The following CNTNAP2 variants were observed in gnomAD, a reference collection of about 807,000 sequenced individuals.
CNTNAP2 encodes the protein contactin associated protein 2.
A neutral mutation model predicts 155.2 loss-of-function variants in CNTNAP2; 98 were observed. That is an observed-to-expected ratio of 0.63 (90% CI 0.54 to 0.75). The LOEUF is 0.75. CNTNAP2 is among the 30% of genes least tolerant of loss of function. CNTNAP2 has a pLI of 0.00. For missense variants in CNTNAP2, 1,727 were observed against 1,688.1 expected (o/e 1.02, Z -0.40); for synonymous variants, 651 against 631.2 (o/e 1.03, Z -0.47).
intron 1 of CNTNAP2, among the ~76,000 whole-genome samples, chr7:146,605,125 C>T (rs556605125): frequency 1.3e-5 from 2 of 150,240 alleles, no homozygotes; most frequent in Non-Finnish European, 3.0e-5. Context: ...AATATCTTCC[C>T]GCCTTTTACA....
intron 1 of CNTNAP2, among the ~76,000 whole-genome samples, chr7:146,158,912 GA>G (rs2116793495): frequency 6.6e-6 from 1 of 152,272 alleles, no homozygotes; most frequent in African/African-American, 2.4e-5. Context: ...TACTCCTCAA[GA>G]AGAGCAACTC....
chr7:148,070,190 A>T (rs1803354476), intron 15 of CNTNAP2, among the ~76,000 whole-genome samples: 1 of 152,248 alleles, frequency 6.6e-6, no homozygotes, highest in Admixed American at 6.5e-5. Flanking sequence ...AGATGCTGAG[A>T]TGAAGATATT....
intron 1 of CNTNAP2, among the ~76,000 whole-genome samples, chr7:146,228,994 C>T (rs1475277263): frequency 6.6e-6 from 1 of 152,116 alleles, no homozygotes; most frequent in Non-Finnish European, 1.5e-5. Context: ...TACAATCAAG[C>T]TCTCTATCTA....
chr7:146,658,176 G>C (rs986304619), intron 1 of CNTNAP2, among the ~76,000 whole-genome samples: 6 of 152,094 alleles, frequency 3.9e-5, no homozygotes, highest in African/African-American at 1.4e-4. Context: ...ACTTTGCATA[G>C]CGTCCTCTGC....
intron 15 of CNTNAP2, among the ~76,000 whole-genome samples, chr7:148,054,677 A>G (rs1802975416): frequency 1.3e-5 from 2 of 152,010 alleles, no homozygotes; most frequent in Admixed American, 6.6e-5. Flanking sequence ...CACATGGTCA[A>G]TAAGATCTAT....
intron 15 of CNTNAP2, among the ~76,000 whole-genome samples, chr7:148,043,557 C>G (rs1176279260): frequency 6.6e-6 from 1 of 152,256 alleles, no homozygotes; most frequent in South Asian, 2.1e-4. Flanking sequence ...GATAAGAAAT[C>G]TTTTTTCTTC....
At chr7:148,135,741 C>T (rs1439632385) in intron 16 of CNTNAP2, among the ~76,000 whole-genome samples, 2 of 149,352 alleles carry the variant, frequency 1.3e-5, no homozygotes, top group South Asian at 2.1e-4. Context: ...CCCAGCTACT[C>T]GGGAGGCTGA....
intron 1 of CNTNAP2, among the ~76,000 whole-genome samples, chr7:146,350,814 T>C (rs1158152976): frequency 6.6e-6 from 1 of 151,734 alleles, no homozygotes; most frequent in African/African-American, 2.4e-5. Flanking sequence ...ATTAAGAAAA[T>C]GTGACACATA....
At chr7:148,272,373 CAAGAA>C (rs1424811449) in intron 21 of CNTNAP2, among the ~76,000 whole-genome samples, 1 of 152,120 alleles carries the variant, frequency 6.6e-6, no homozygotes, top group Non-Finnish European at 1.5e-5. Flanking sequence ...AATGGTCTCT[CAAGAA>C]ATCTTCAAGG....
chr7:147,774,108 T>C (rs1797518900), intron 13 of CNTNAP2, among the ~76,000 whole-genome samples: 1 of 152,156 alleles, frequency 6.6e-6, no homozygotes, highest in Non-Finnish European at 1.5e-5. Flanking sequence ...CCTGCCACAG[T>C]AGTTAATAAT....
chr7:147,087,496 C>T (rs970844445), intron 4 of CNTNAP2, among the ~76,000 whole-genome samples: 2 of 152,154 alleles, frequency 1.3e-5, no homozygotes, highest in African/African-American at 4.8e-5. Context: ...TTGTACCTCA[C>T]TTGCATGGCT....
At chr7:146,422,235 G>T (rs1563077734) in intron 1 of CNTNAP2, among the ~76,000 whole-genome samples, 2 of 150,306 alleles carry the variant, frequency 1.3e-5, no homozygotes, top group African/African-American at 2.4e-5. Context: ...TTTATATGAT[G>T]TTTATTACAG....
At position 148,415,413 on chromosome 7, in the gene CNTNAP2, TC is replaced by T; in HGVS notation, c.3797-3del. On this transcript the variant is annotated splice_region_variant and splice_polypyrimidine_tract_variant and intron_variant, in intron 23 of 23. Transcript: ENST00000361727. ...ACCTCTCGTGCTTCTCCTTTCTCCGTCAGGCGTCATTGCTGTGGTGATTTTC... is the reference window on the plus strand; with the variant it reads ...ACCTCTCGTGCTTCTCCTTTCTCCGTAGGCGTCATTGCTGTGGTGATTTTC... 1.2e-6 allele frequency: 2 copies of T among 1,613,236 alleles called. No individual in the cohort carries two copies. Among genetic ancestry groups the T allele is most frequent in the Non-Finnish European group, 1.7e-6 (2 of 1,180,028 alleles).
chr7:147,920,647 C>CTA (rs1302432270), intron 14 of CNTNAP2, among the ~76,000 whole-genome samples: 1 of 152,036 alleles, frequency 6.6e-6, no homozygotes, highest in Non-Finnish European at 1.5e-5. Context: ...TGAGTCCCTG[C>CTA]TATATATCAG....
At chr7:147,629,228 C>G (rs1429819864) in intron 12 of CNTNAP2, among the ~76,000 whole-genome samples, 1 of 151,842 alleles carries the variant, frequency 6.6e-6, no homozygotes, top group Non-Finnish European at 1.5e-5. Flanking sequence ...ATGGTAAAAC[C>G]CTGTCTTTAC....
intron 22 of CNTNAP2, among the ~76,000 whole-genome samples, chr7:148,390,851 T>C (rs1160105084): frequency 1.3e-5 from 2 of 152,236 alleles, no homozygotes; most frequent in African/African-American, 4.8e-5. Context: ...CAGTGTTTTC[T>C]AAAATGAGGG....
rs552196831 is a variant in CNTNAP2 at position 148,152,913 on chromosome 7, C to G, written c.2773+5204C>G. ...GCAGGCGCCTGTAGTCCCAGCTACTCGGGAGGCTGAGGCAGAAGAATGGCA... is the reference window on the plus strand; with the variant it reads ...GCAGGCGCCTGTAGTCCCAGCTACTGGGGAGGCTGAGGCAGAAGAATGGCA... On this transcript the variant is annotated intron_variant, in intron 17 of 23. Coordinates refer to ENST00000361727, the MANE Select transcript of CNTNAP2 (RefSeq NM_014141.6). 2.1e-5 allele frequency among the ~76,000 whole-genome samples: 3 copies of G among 141,566 alleles called. No individual in the cohort carries two copies. The South Asian group carries it at 7.1e-4, about 34-fold the overall frequency. The allele number at this position is 141,566 out of a possible 152,430, so 92.9% of individuals were successfully genotyped here.
intron 10 of CNTNAP2, among the ~76,000 whole-genome samples, chr7:147,405,463 T>C (rs1228881732): frequency 6.6e-6 from 1 of 152,174 alleles, no homozygotes; most frequent in African/African-American, 2.4e-5. Context: ...TTTTGTAAAA[T>C]ATTGGGACTG....
chr7:147,694,091 T>C (rs141516263), intron 13 of CNTNAP2, among the ~76,000 whole-genome samples: 2,509 of 152,204 alleles, frequency 0.016, 223 homozygotes, highest in Admixed American at 0.15. Context: ...TCAAATGCTT[T>C]TTCTTTATCT....
Sources: gnomAD v4.1 joint callset for allele counts (sites outside exome capture counted in the v4.1 genomes callset) on GRCh38, gnomAD v4.1.1 for gene constraint, MANE v1.5 for transcripts, NCBI Gene and HGNC (gene_info 2026-07-23, HGNC 2026-07-21) for gene names.